Variants in CCDC50 observed in about 807,000 individuals in gnomAD.
CCDC50 encodes coiled-coil domain-containing protein 50.
A neutral mutation model predicts 70.2 loss-of-function variants in CCDC50; 54 were observed. The ratio of observed to expected loss-of-function variants is 0.77; its 90% confidence interval spans 0.62 to 0.96. The LOEUF is 0.96. CCDC50 is among the 50% of genes least tolerant of loss of function. CCDC50 has a pLI of 0.00. For synonymous variants in CCDC50, 216 were observed against 198.8 expected (o/e 1.09, Z -0.73); for missense variants, 558 against 578.7 (o/e 0.96, Z 0.37).
chr3:191,349,006 T>C (rs1712016565), intron 1 of CCDC50, among the ~76,000 whole-genome samples: 1 of 142,146 alleles, frequency 7.0e-6, no homozygotes, highest in Admixed American at 7.2e-5. Flanking sequence ...GGGCTCATAA[T>C]TGGGGTATTT....
At chr3:191,368,312 G>C (rs960205408) in intron 4 of CCDC50, among the ~76,000 whole-genome samples, 1 of 151,952 alleles carries the variant, frequency 6.6e-6, no homozygotes, top group Non-Finnish European at 1.5e-5. Context: ...CTCTCCCTCT[G>C]AGTTGCATCA....
rs749540956 is a variant in CCDC50 at position 191,370,000 on chromosome 3, C to T, written c.412C>T (p.Arg138Cys). 2.3e-5 allele frequency: 37 copies of T among 1,612,398 alleles called. 1 individual carries two copies. In the South Asian group the frequency reaches 2.9e-4, roughly 12 times the overall value. Reference sequence around the variant, plus strand: ...ACACTTTCCAGAGTTCCCTGCAACCCGTGCTTATGCAGATAGTTACTATTA... The same window carrying T: ...ACACTTTCCAGAGTTCCCTGCAACCTGTGCTTATGCAGATAGTTACTATTA... The part of the protein sequence containing the change: ...KKHFPEFPAT[R>C]AYADSYYYED... The change falls in exon 5 of 12, where the codon CGT becomes TGT. Residue 138 changes from arginine (R) to cysteine (C), a missense_variant. Arg to Cys is a radical substitution (Grantham distance 180). Coordinates refer to ENST00000392455, the MANE Select transcript of CCDC50 (RefSeq NM_178335.3).
At chr3:191,340,943 C>T (rs535978080) in intron 1 of CCDC50, among the ~76,000 whole-genome samples, 2 of 152,198 alleles carry the variant, frequency 1.3e-5, no homozygotes, top group East Asian at 3.9e-4. Flanking sequence ...TCAAGTGATC[C>T]TTCTGCCTCA....
rs1713770560 is a variant in CCDC50 at position 191,393,721 on chromosome 3, A to G, written c.*1961A>G. 1 of 152,170 alleles carries G rather than the reference A, an allele frequency of 6.6e-6. No homozygotes were observed. Among genetic ancestry groups the G allele is most frequent in the African/African-American group, 2.4e-5 (1 of 41,458 alleles). 9.4% of individuals were successfully genotyped at this position (152,170 alleles called of 1,614,324 possible). Reference sequence around the variant, plus strand: ...ATTTAAATAAGGAAGGGGAGACAAAATGGAAGGTCCTGGCCTTAAGTCAAA... The same window carrying G: ...ATTTAAATAAGGAAGGGGAGACAAAGTGGAAGGTCCTGGCCTTAAGTCAAA... On this transcript the variant is annotated 3_prime_UTR_variant, in exon 12 of 12. Coordinates refer to ENST00000392455, the MANE Select transcript of CCDC50 (RefSeq NM_178335.3).
intron 10 of CCDC50, among the ~76,000 whole-genome samples, chr3:191,386,751 T>A (rs2108674595): frequency 6.6e-6 from 1 of 152,250 alleles, no homozygotes; most frequent in East Asian, 1.9e-4. Context: ...CACAAAATAC[T>A]TAGGAATACT....
intron 1 of CCDC50, among the ~76,000 whole-genome samples, chr3:191,335,393 T>G (rs948669796): frequency 6.6e-6 from 1 of 152,200 alleles, no homozygotes; most frequent in Non-Finnish European, 1.5e-5. Context: ...TGTCCTGTGC[T>G]TCAAAAATGT....
intron 10 of CCDC50, among the ~76,000 whole-genome samples, chr3:191,386,593 T>C (rs2108674456): frequency 6.6e-6 from 1 of 152,318 alleles, no homozygotes; most frequent in Middle Eastern, 3.4e-3. Flanking sequence ...ATTTGTGTCA[T>C]CTATGATCTC....
chr3:191,361,846 G>A (rs1229463558), intron 4 of CCDC50, among the ~76,000 whole-genome samples: 2 of 152,148 alleles, frequency 1.3e-5, no homozygotes, highest in African/African-American at 4.8e-5. Context: ...TGCAGCATTA[G>A]AGAGAGCAGA....
intron 1 of CCDC50, among the ~76,000 whole-genome samples, chr3:191,340,010 A>G (rs1267759560): frequency 1.3e-5 from 2 of 152,228 alleles, no homozygotes; most frequent in African/African-American, 2.4e-5. Context: ...CCCTAGATGA[A>G]TAGGCTTCAG....
intron 1 of CCDC50, among the ~76,000 whole-genome samples, chr3:191,353,661 A>G (rs1204671231): frequency 1.4e-5 from 2 of 142,092 alleles, no homozygotes; most frequent in African/African-American, 2.5e-5. Context: ...TAGAATACTG[A>G]TGGAGGGAAT....
At chr3:191,329,898 C>G (rs1308681429) in intron 1 of CCDC50, among the ~76,000 whole-genome samples, 175 bp downstream of exon 1, 1 of 131,700 alleles carries the variant, frequency 7.6e-6, no homozygotes, top group African/African-American at 2.9e-5. Context: ...GGACGTTGGG[C>G]AAGTCTCCGA....
At chr3:191,382,901 AGT>A in intron 10 of CCDC50, 76 bp downstream of exon 10, 1 of 1,093,006 alleles carries the variant, frequency 9.1e-7, no homozygotes, top group East Asian at 2.4e-5. Flanking sequence ...CCCTAAGAAG[AGT>A]GTATGTTTTT....
At chr3:191,342,198 G>A (rs909622541) in intron 1 of CCDC50, among the ~76,000 whole-genome samples, 1 of 152,202 alleles carries the variant, frequency 6.6e-6, no homozygotes, top group African/African-American at 2.4e-5. Context: ...AGAAATGTGT[G>A]TAGAGTTCTG....
At chr3:191,385,373 T>G (rs1401589001) in intron 10 of CCDC50, among the ~76,000 whole-genome samples, 1 of 152,228 alleles carries the variant, frequency 6.6e-6, no homozygotes, top group Non-Finnish European at 1.5e-5. Context: ...TGTCAGATAG[T>G]ATCTCATTGT....
At chr3:191,378,038 C>T (rs759774945) in intron 6 of CCDC50, among the ~76,000 whole-genome samples, 1 of 152,058 alleles carries the variant, frequency 6.6e-6, no homozygotes, top group Non-Finnish European at 1.5e-5. Context: ...TATATCCTTA[C>T]AAAAATTTTT....
intron 9 of CCDC50, among the ~76,000 whole-genome samples, chr3:191,381,692 A>G (rs552113082): frequency 6.6e-6 from 1 of 152,256 alleles, no homozygotes; most frequent in East Asian, 1.9e-4. Flanking sequence ...GCTAGGTGGA[A>G]AAAGAGCAGA....
At chr3:191,380,961 T>A (rs774280604) in intron 9 of CCDC50, 29 bp downstream of exon 9, 1 of 1,566,944 alleles carries the variant, frequency 6.4e-7, no homozygotes, top group South Asian at 1.1e-5. Flanking sequence ...GTTTTCTAAT[T>A]AGAAATAAAA....
intron 1 of CCDC50, among the ~76,000 whole-genome samples, chr3:191,341,247 A>C (rs1711720120): frequency 6.6e-6 from 1 of 152,214 alleles, no homozygotes. Flanking sequence ...GAATTTATTA[A>C]CTTTAATGAG....
chr3:191,370,435 A>G (rs1712868488), intron 5 of CCDC50, among the ~76,000 whole-genome samples: 1 of 135,476 alleles, frequency 7.4e-6, no homozygotes, highest in Non-Finnish European at 1.5e-5. Flanking sequence ...TCATTGTTCA[A>G]TTCCCACCTG....
Sources: allele counts gnomAD v4.1 joint callset (sites outside exome capture counted in the v4.1 genomes callset), GRCh38; gene constraint gnomAD v4.1.1; transcripts MANE v1.5; gene names NCBI Gene and HGNC (gene_info 2026-07-23, HGNC 2026-07-21).